RHOBTB1: variants seen among roughly 807,000 people sequenced by gnomAD.
The protein encoded by RHOBTB1 is Rho related BTB domain containing 1.
Under a neutral mutation model 71.6 loss-of-function variants are expected in RHOBTB1, and 40 were observed. That is an observed-to-expected ratio of 0.56 (90% CI 0.43 to 0.73). RHOBTB1 has a LOEUF of 0.73. RHOBTB1 is among the 30% of genes least tolerant of loss of function. The pLI, the probability that RHOBTB1 is intolerant of heterozygous loss-of-function variation, is 0.00. For synonymous variants in RHOBTB1, 319 were observed against 334.9 expected, an observed-to-expected ratio of 0.95 and a Z score of 0.52; for missense variants, 797 against 894.0, an observed-to-expected ratio of 0.89 and a Z score of 1.38.
chr10:60,862,630 TCTC>T, the RHOBTB1 span, among the ~76,000 whole-genome samples: 2 of 150,968 alleles, frequency 1.3e-5, no homozygotes, highest in African/African-American at 2.4e-5. Flanking sequence ...CTTCCTTCCT[TCTC>T]TTTTTCCTTT....
chr10:60,934,428 G>A (rs1002381618), intron 2 of RHOBTB1, among the ~76,000 whole-genome samples: 5 of 152,108 alleles, frequency 3.3e-5, no homozygotes, highest in Non-Finnish European at 5.9e-5. Context: ...AATGCAACAA[G>A]GATACACCTG....
intron 2 of RHOBTB1, among the ~76,000 whole-genome samples, chr10:60,924,754 C>A (rs1295071950): frequency 3.3e-5 from 5 of 152,108 alleles, no homozygotes; most frequent in African/African-American, 1.2e-4. Flanking sequence ...GGCCACAAAA[C>A]AAGTCTCAAA....
chr10:60,978,563 G>A (rs976343167), intron 2 of RHOBTB1, among the ~76,000 whole-genome samples: 9 of 152,126 alleles, frequency 5.9e-5, no homozygotes, highest in African/African-American at 9.6e-5. Context: ...GTGTAAACCC[G>A]TGCTGGGACA....
chr10:60,938,518 T>C (rs1474438935), intron 2 of RHOBTB1, among the ~76,000 whole-genome samples: 1 of 152,242 alleles, frequency 6.6e-6, no homozygotes, highest in Admixed American at 6.5e-5. Context: ...CAACTCTCTA[T>C]GACTCAACTG....
downstream of RHOBTB1, among the ~76,000 whole-genome samples, chr10:60,868,861 A>G (rs923896311): frequency 6.6e-6 from 1 of 152,180 alleles, no homozygotes; most frequent in Non-Finnish European, 1.5e-5. Context: ...TGGACATCTC[A>G]TTGTTTTCTT....
intron 2 of RHOBTB1, among the ~76,000 whole-genome samples, chr10:60,966,050 A>T (rs2085946792): frequency 6.6e-6 from 1 of 152,176 alleles, no homozygotes; most frequent in Non-Finnish European, 1.5e-5. Flanking sequence ...CAAATATGGC[A>T]AATTTATGAG....
intron 2 of RHOBTB1, among the ~76,000 whole-genome samples, chr10:60,933,101 A>T (rs550151637): frequency 6.6e-6 from 1 of 152,372 alleles, no homozygotes; most frequent in East Asian, 1.9e-4. Context: ...CCATAAATGC[A>T]AAAGTGCTGG....
rs74832048 is a variant in RHOBTB1 at position 60,884,625 on chromosome 10, C to G, written c.1575+1487G>C. Among the ~76,000 whole-genome samples, 29 of 152,200 alleles carry G rather than the reference C, an allele frequency of 1.9e-4. No individual in the cohort carries two copies. The East Asian group carries it at 5.6e-3, about 29-fold the overall frequency. ...GATGGATGAATAAGAAAATGTGGTA[C>G]TTATACACAATGGGATACTATATAG... is the stretch of plus-strand genomic sequence containing the variant. On this transcript the variant is annotated intron_variant, in intron 7 of 10. Coordinates refer to ENST00000337910, the MANE Select transcript of RHOBTB1 (RefSeq NM_014836.5).
intron 5 of RHOBTB1, among the ~76,000 whole-genome samples, chr10:60,889,736 C>A (rs1275959243): frequency 6.6e-6 from 1 of 152,086 alleles, no homozygotes; most frequent in African/African-American, 2.4e-5. Flanking sequence ...AGTTACTTAA[C>A]CTCATTAAAC....
At chr10:60,939,961 A>G (rs1393416484) in intron 2 of RHOBTB1, among the ~76,000 whole-genome samples, 4 of 152,218 alleles carry the variant, frequency 2.6e-5, no homozygotes, top group African/African-American at 9.6e-5. Context: ...AGTGCTTTAT[A>G]GATTTATGGT....
rs547657887 is a variant in RHOBTB1, at chr10:60,966,519, A to C, written c.-62+19326T>G. 1.7e-3 allele frequency among the ~76,000 whole-genome samples: 256 copies of C among 152,014 alleles called. 1 individual carries two copies. The highest frequency in any genetic ancestry group is 3.1e-3 in the Non-Finnish European group (213 of 67,928). On this transcript the variant is annotated intron_variant, in intron 2 of 11. Transcript: ENST00000357917. The stretch of plus-strand genomic sequence containing the variant: ...ACCCTATCTCTAATTAAAAAAAAAA[A>C]AAGTTGGAAACTATAATGAAGAAAC...
At position 60,886,122 on chromosome 10, in the gene RHOBTB1, G is replaced by A. The variant is rs866055146; in HGVS notation, c.1565C>T (p.Ala522Val). ...AMFGGSFVES[A>V]NSEVYLPNIN... ...TAGGAAGGCACGTACCTCACTGTTGGCACTTTCCACAAATGACCCCCCGAA... is the reference window on the plus strand; with the variant it reads ...TAGGAAGGCACGTACCTCACTGTTGACACTTTCCACAAATGACCCCCCGAA... The change falls in exon 7 of 11, where the codon GCC (alanine) becomes GTC (valine). Residue 522 changes from alanine to valine, a missense_variant. Physicochemically the swap from Ala to Val is moderately conservative, Grantham distance 64. Coordinates refer to ENST00000337910, the MANE Select transcript of RHOBTB1 (RefSeq NM_014836.5). The A allele has an allele frequency of 6.2e-7, 1 of 1,612,852 alleles. No homozygotes were observed. The highest frequency in any genetic ancestry group is 2.2e-5 in the East Asian group (1 of 44,866).
chr10:60,892,980 G>C lies in RHOBTB1; in HGVS notation c.312C>G (p.Val104=). 6.2e-7 allele frequency: 1 copy of C among 1,613,306 alleles called. No homozygotes were observed. The highest frequency in any genetic ancestry group is 2.2e-5 in the East Asian group (1 of 44,850). Residue 104 remains valine (V), a synonymous_variant, in exon 5 of 11, where the codon GTC becomes GTG. Coordinates refer to ENST00000337910, the MANE Select transcript of RHOBTB1 (RefSeq NM_014836.5). The part of the protein sequence containing the change: ...RFAYGRSDVV[V]LCFSIANPNS... ...TGGGATTAGCAATCGAAAAACAGAG[G>C]ACCACAACATCAGACCTAAAAGGAA...
At chr10:60,956,353 T>C (rs2085592596) in intron 2 of RHOBTB1, among the ~76,000 whole-genome samples, 1 of 152,114 alleles carries the variant, frequency 6.6e-6, no homozygotes, top group Non-Finnish European at 1.5e-5. Flanking sequence ...AGTGAGTAAA[T>C]AGTGGGTGAA....
chr10:60,963,141 T>C (rs1411715280), intron 2 of RHOBTB1, among the ~76,000 whole-genome samples: 1 of 152,156 alleles, frequency 6.6e-6, no homozygotes. Context: ...CCATTTGGTT[T>C]GACCAAAAGT....
chr10:60,909,259 G>A (rs1404374260), intron 4 of RHOBTB1, among the ~76,000 whole-genome samples: 2 of 152,214 alleles, frequency 1.3e-5, no homozygotes, highest in African/African-American at 2.4e-5. Flanking sequence ...GCTTTACGCT[G>A]AGGGGTCATG....
intron 2 of RHOBTB1, among the ~76,000 whole-genome samples, chr10:60,925,022 A>G (rs978902225): frequency 6.6e-6 from 1 of 152,200 alleles, no homozygotes; most frequent in African/African-American, 2.4e-5. Flanking sequence ...CCTCTTGGTG[A>G]TAAGTGAACT....
chr10:60,897,056 A>C (rs1409525855), intron 4 of RHOBTB1, among the ~76,000 whole-genome samples: 2 of 152,206 alleles, frequency 1.3e-5, no homozygotes, highest in Admixed American at 6.5e-5. Flanking sequence ...TTTGAATAAC[A>C]TAAGGAGTAC....
chr10:60,937,530 C>T (rs1012936586), intron 2 of RHOBTB1, among the ~76,000 whole-genome samples: 2 of 152,140 alleles, frequency 1.3e-5, no homozygotes, highest in East Asian at 1.9e-4. Context: ...GTAGAAAACA[C>T]GTTAGCTACT....
Sources: gnomAD v4.1 joint callset for allele counts (sites outside exome capture counted in the v4.1 genomes callset) on GRCh38, gnomAD v4.1.1 for gene constraint, MANE v1.5 for transcripts, NCBI Gene and HGNC (gene_info 2026-07-23, HGNC 2026-07-21) for gene names.